MED25: variants seen among roughly 807,000 people sequenced by gnomAD.
The protein encoded by MED25 is mediator of RNA polymerase II transcription subunit 25.
Under a neutral mutation model 89.4 loss-of-function variants are expected in MED25, and 62 were observed. The observed-to-expected ratio is 0.69, with a 90% confidence interval of 0.57 to 0.86. The LOEUF (loss-of-function observed/expected upper bound fraction) is 0.86, where lower values mean the gene tolerates loss of function less well. MED25 is among the 40% of genes least tolerant of loss of function. MED25 has a pLI of 0.00. For missense variants in MED25, 905 were observed against 1,005.2 expected (o/e 0.90, Z 1.35); for synonymous variants, 449 against 427.9 (o/e 1.05, Z -0.61).
Position 49,834,717 on chromosome 19 carries a change from G to T in MED25, c.1483-269G>T, listed in dbSNP as rs979224106. 2.2e-5 allele frequency: 12 copies of T among 536,336 alleles called. No homozygotes were observed. The highest frequency in any genetic ancestry group is 1.6e-4 in the Admixed American group (5 of 32,062). The allele number at this position is 536,336 out of a possible 1,614,324, so 33.2% of individuals were successfully genotyped here. On this transcript the variant is annotated intron_variant, in intron 13 of 17. Transcript: ENST00000312865. The surrounding 1 kb of genome is among the most constrained non-coding windows in gnomAD (Gnocchi z 4.1). Reference sequence around the variant, plus strand: ...GCCCAAGAAACTGGGTCCATGAGGAGCAGGTGGTGGCTGAAGGTTGAAGAG... The same window carrying T: ...GCCCAAGAAACTGGGTCCATGAGGATCAGGTGGTGGCTGAAGGTTGAAGAG...
chr19:49,830,707 C>G lies in MED25; in HGVS notation c.921C>G (p.Thr307=), dbSNP rs371175877. 1 of 1,614,040 alleles carries G rather than the reference C, an allele frequency of 6.2e-7. No homozygotes were observed. ...TCTCTCCCACAGTCTCGCCCATCAC[C>G]CCTCTCCAACAAGCTGCTCCCGGAG... ...AGLGPRFSPI[T]PLQQAAPGVG... The change falls in exon 9 of 18, where the codon ACC becomes ACG. Residue 307 remains threonine (T), a synonymous_variant. Coordinates refer to ENST00000312865, the MANE Select transcript of MED25 (RefSeq NM_030973.4). The surrounding 1 kb of genome is among the most constrained non-coding windows in gnomAD (Gnocchi z 4.6).
Position 49,835,497 on chromosome 19 carries a change from C to A in MED25, c.1675-37C>A. The A allele has an allele frequency of 6.6e-7, 1 of 1,508,856 alleles. No individual in the cohort carries two copies. Among genetic ancestry groups the A allele is most frequent in the Non-Finnish European group, 8.9e-7 (1 of 1,125,220 alleles). 93.5% of individuals were successfully genotyped at this position (1,508,856 alleles called of 1,614,324 possible). ...CCGCCTCAGATTCAGGATGCCACCA[C>A]CCTCAGTTACTGACCTGCCCCTCTC... On this transcript the variant is annotated intron_variant, in intron 14 of 17. Coordinates refer to ENST00000312865, the MANE Select transcript of MED25 (RefSeq NM_030973.4). This position sits in a 1 kb window ranked among gnomAD's most constrained non-coding sequence, Gnocchi z 6.2.
In MED25 at chr19:49,836,019, A is replaced by C. The variant is rs1239617548; in HGVS notation, c.1965+74A>C. 3 of 1,574,164 alleles carry C rather than the reference A, an allele frequency of 1.9e-6. No individual in the cohort carries two copies. The highest frequency in any genetic ancestry group is 2.6e-6 in the Non-Finnish European group (3 of 1,161,610). ...GGTTCTGGTCCTGTTGTCTGGGAGG[A>C]GGGAGGTTGACTGTGGTCAGTGGGT... On this transcript the variant is annotated intron_variant, in intron 16 of 17. Transcript: ENST00000312865. The surrounding 1 kb of genome is among the most constrained non-coding windows in gnomAD (Gnocchi z 5.1).
chr19:49,821,612 C>T (rs1339265361), intron 3 of MED25, among the ~76,000 whole-genome samples: 1 of 151,264 alleles, frequency 6.6e-6, no homozygotes, highest in Non-Finnish European at 1.5e-5. Flanking sequence ...ACTAAAAATA[C>T]AAGCAATCAT....
At chr19:49,837,045 G>A, downstream of MED25, 1 of 965,874 alleles carries the variant, frequency 1.0e-6, no homozygotes, top group Non-Finnish European at 1.6e-6. Flanking sequence ...GGGCATCTCT[G>A]TCCTTGTTCT....
intron 3 of MED25, among the ~76,000 whole-genome samples, chr19:49,822,087 C>T (rs1043163442): frequency 1.9e-4 from 29 of 151,318 alleles, no homozygotes; most frequent in Non-Finnish European, 3.8e-4. Context: ...CACGGTGAAA[C>T]CCCGTCTCTA....
Position 49,834,920 on chromosome 19 carries a change from T to C in MED25, c.1483-66T>C, listed in dbSNP as rs1171620861. ...GTGGGGCCTCTAGAGCCTTCTGGAATGGGGAGGGGGTCAGGGCTGCCTCTT... is the reference window on the plus strand; with the variant it reads ...GTGGGGCCTCTAGAGCCTTCTGGAACGGGGAGGGGGTCAGGGCTGCCTCTT... On this transcript the variant is annotated intron_variant, in intron 13 of 17. Coordinates refer to ENST00000312865, the MANE Select transcript of MED25 (RefSeq NM_030973.4). This position sits in a 1 kb window ranked among gnomAD's most constrained non-coding sequence, Gnocchi z 4.1. 2 of 1,549,648 alleles carry C rather than the reference T, an allele frequency of 1.3e-6. No individual in the cohort carries two copies. Among genetic ancestry groups the C allele is most frequent in the Non-Finnish European group, 1.8e-6 (2 of 1,124,824 alleles).
chr19:49,821,539 G>C (rs1244574648), intron 3 of MED25, among the ~76,000 whole-genome samples: 1 of 152,164 alleles, frequency 6.6e-6, no homozygotes, highest in Non-Finnish European at 1.5e-5. Context: ...GGCTGGGGCA[G>C]GTGGATCACC....
intron 3 of MED25, among the ~76,000 whole-genome samples, chr19:49,822,814 A>C (rs2073992531): frequency 6.6e-6 from 1 of 151,260 alleles, no homozygotes; most frequent in South Asian, 2.1e-4. Flanking sequence ...CACCCAGCTA[A>C]TTTTTTGTAT....
rs1405153706 is a variant in MED25 at position 49,821,316 on chromosome 19, C to T, written c.305+2020C>T. Reference sequence around the variant, plus strand: ...CTTGTTTTTGAGGAAGGGTCTCACTCTGTCACGCAGGCTGGAGTGCAGTGG... The same window carrying T: ...CTTGTTTTTGAGGAAGGGTCTCACTTTGTCACGCAGGCTGGAGTGCAGTGG... On this transcript the variant is annotated intron_variant, in intron 3 of 17. Transcript: ENST00000312865. 2.6e-5 allele frequency among the ~76,000 whole-genome samples: 4 copies of T among 152,202 alleles called. No homozygotes were observed. In the South Asian group the frequency reaches 8.3e-4, roughly 31 times the overall value.
intron 3 of MED25, among the ~76,000 whole-genome samples, chr19:49,822,640 CTTTTTTTT>C (rs536060694): frequency 3.8e-4 from 26 of 68,278 alleles, no homozygotes; most frequent in Non-Finnish European, 6.5e-4. Flanking sequence ...CTGTTACATT[CTTTTTTTT>C]TTTTTTTTTT....
At chr19:49,819,356 A>G in intron 3 of MED25, 60 bp downstream of exon 3, 1 of 1,593,240 alleles carries the variant, frequency 6.3e-7, no homozygotes, top group South Asian at 1.1e-5. Context: ...TGAATGAGTG[A>G]TGGCTTGGGG....
rs772122775 is a variant in MED25 at position 49,830,496 on chromosome 19, C to T, written c.820-15C>T. ...GTCCTCACCAGTCCCTTCCCTTCTT[C>T]CCTTCTACCCACAGGTTCCCGGGAA... On this transcript the variant is annotated splice_polypyrimidine_tract_variant and intron_variant, in intron 7 of 17. Coordinates refer to ENST00000312865, the MANE Select transcript of MED25 (RefSeq NM_030973.4). This position sits in a 1 kb window ranked among gnomAD's most constrained non-coding sequence, Gnocchi z 4.6. 2 of 1,613,488 alleles carry T rather than the reference C, an allele frequency of 1.2e-6. No homozygotes were observed. The highest frequency in any genetic ancestry group is 1.7e-6 in the Non-Finnish European group (2 of 1,179,500).
Position 49,831,190 on chromosome 19 carries a change from C to A in MED25, c.1102-143C>A. The A allele has an allele frequency of 2.2e-6, 2 of 905,318 alleles. No individual in the cohort carries two copies. Among genetic ancestry groups the A allele is most frequent in the Non-Finnish European group, 3.3e-6 (2 of 599,842 alleles). The allele number at this position is 905,318 out of a possible 1,614,324, so 56.1% of individuals were successfully genotyped here. On this transcript the variant is annotated intron_variant, in intron 9 of 17. Coordinates refer to ENST00000312865, the MANE Select transcript of MED25 (RefSeq NM_030973.4). The surrounding 1 kb of genome is among the most constrained non-coding windows in gnomAD (Gnocchi z 5.0). The stretch of plus-strand genomic sequence containing the variant: ...CCTGCAAGGTCCAAGCATTTGGGGT[C>A]CTGCGGCTGGCCAAGTGCTGTTCTG...
intron 13 of MED25, among the ~76,000 whole-genome samples, 176 bp downstream of exon 13, chr19:49,832,591 T>G (rs1264331512): frequency 6.6e-6 from 1 of 152,110 alleles, no homozygotes; most frequent in Non-Finnish European, 1.5e-5. Context: ...ATTATAATCA[T>G]CGTATGCACC....
Position 49,836,867 on chromosome 19 carries a change from G to T in MED25, c.2167G>T (p.Gly723Cys), listed in dbSNP as rs555006208. The T allele has an allele frequency of 1.2e-6, 2 of 1,611,766 alleles. No individual in the cohort carries two copies. Among genetic ancestry groups the T allele is most frequent in the African/African-American group, 1.3e-5 (1 of 75,034 alleles). ...CTCAGGTCAGATGCTGCTGAGCGGG[G>T]GTCCCCGGGGCCCGGTCCCCCAGCC... Reference protein sequence around the residue: ...PLPGQMLLSGGPRGPVPQPGL... With the variant: ...PLPGQMLLSGCPRGPVPQPGL... The change falls in exon 18 of 18, where the codon GGT becomes TGT. Residue 723 changes from glycine (G) to cysteine (C), a missense_variant. Coordinates refer to ENST00000312865, the MANE Select transcript of MED25 (RefSeq NM_030973.4). This position sits in a 1 kb window ranked among gnomAD's most constrained non-coding sequence, Gnocchi z 5.1.
rs775741820 is a variant in MED25, at chr19:49,830,238, G to A, written c.819+20G>A. The stretch of plus-strand genomic sequence containing the variant: ...TACCAGGTATGGATATTTCCGGGAA[G>A]GGACATGCTTCTGGGGACTTGCTGG... On this transcript the variant is annotated intron_variant, in intron 7 of 17. Coordinates refer to ENST00000312865, the MANE Select transcript of MED25 (RefSeq NM_030973.4). The surrounding 1 kb of genome is among the most constrained non-coding windows in gnomAD (Gnocchi z 4.6). 2 of 1,605,698 alleles carry A rather than the reference G, an allele frequency of 1.2e-6. No individual in the cohort carries two copies. Among genetic ancestry groups the A allele is most frequent in the East Asian group, 4.5e-5 (2 of 44,668 alleles).
intron 3 of MED25, among the ~76,000 whole-genome samples, chr19:49,826,981 C>T (rs1172030708): frequency 6.6e-6 from 1 of 152,158 alleles, no homozygotes; most frequent in African/African-American, 2.4e-5. Flanking sequence ...TGTAGACGTT[C>T]ATTCACTTAG....
chr19:49,826,523 C>T (rs1373055763), intron 3 of MED25, among the ~76,000 whole-genome samples: 3 of 152,134 alleles, frequency 2.0e-5, no homozygotes, highest in East Asian at 1.9e-4. Context: ...CGGAGAGCCC[C>T]GCTGCATGGC....
Sources: allele counts gnomAD v4.1 joint callset (sites outside exome capture counted in the v4.1 genomes callset), GRCh38; gene constraint gnomAD v4.1.1; non-coding constraint Gnocchi (gnomAD v3.1); transcripts MANE v1.5; gene names NCBI Gene and HGNC (gene_info 2026-07-23, HGNC 2026-07-21).